Variants in THSD4 observed in about 807,000 individuals in gnomAD.
The protein encoded by THSD4 is thrombospondin type 1 domain containing 4.
A neutral mutation model predicts 119.0 loss-of-function variants in THSD4; 69 were observed. The observed-to-expected ratio is 0.58, with a 90% CI of 0.48 to 0.71. The LOEUF (loss-of-function observed/expected upper bound fraction) is 0.71. Ranked by LOEUF, THSD4 falls within the 30% of genes least tolerant of loss-of-function variation. The pLI is 0.00. For synonymous variants in THSD4, 524 were observed against 540.4 expected (o/e 0.97, Z 0.42); for missense variants, 1,393 against 1,391.1 (o/e 1.00, Z -0.02).
chr15:71,313,680 G>C (rs1596330954), intron 6 of THSD4, among the ~76,000 whole-genome samples: 2 of 152,302 alleles, frequency 1.3e-5, no homozygotes, highest in Middle Eastern at 3.4e-3. Flanking sequence ...TTTCGTAAAA[G>C]TGTTTCTTAG....
At chr15:71,741,272 C>T (rs2053228707) in intron 11 of THSD4, among the ~76,000 whole-genome samples, 1 of 152,076 alleles carries the variant, frequency 6.6e-6, no homozygotes, top group Non-Finnish European at 1.5e-5. Flanking sequence ...AGGTGTATCA[C>T]TTGAGGTCAG....
chr15:71,768,982 G>A (rs1277557890), intron 16 of THSD4, among the ~76,000 whole-genome samples: 2 of 80,644 alleles, frequency 2.5e-5, no homozygotes, highest in Admixed American at 1.3e-4. Flanking sequence ...CCCCCCGCCC[G>A]GCCAGCCGCC....
intron 7 of THSD4, among the ~76,000 whole-genome samples, chr15:71,553,133 C>T (rs2048958243): frequency 6.6e-6 from 1 of 152,092 alleles, no homozygotes; most frequent in African/African-American, 2.4e-5. Context: ...GGGTATGTGC[C>T]TATGTGAGTG....
chr15:71,617,363 A>G (rs550388365), intron 7 of THSD4, among the ~76,000 whole-genome samples: 241 of 152,090 alleles, frequency 1.6e-3, no homozygotes, highest in Middle Eastern at 3.2e-3. Flanking sequence ...TCATCATTTG[A>G]TTTAACTTCT....
intron 8 of THSD4, among the ~76,000 whole-genome samples, chr15:71,706,179 A>G (rs556060958): frequency 3.0e-4 from 46 of 152,300 alleles, no homozygotes; most frequent in African/African-American, 1.0e-3. Flanking sequence ...GTGGGCACCA[A>G]CCTGGGGTGT....
intron 1 of THSD4, among the ~76,000 whole-genome samples, chr15:71,106,474 C>T (rs1164629083): frequency 6.6e-6 from 1 of 152,108 alleles, no homozygotes; most frequent in African/African-American, 2.4e-5. Flanking sequence ...ATTCTGGCCC[C>T]TGGTGGAGAA....
At chr15:71,502,207 C>CCT (rs2048122534) in intron 7 of THSD4, among the ~76,000 whole-genome samples, 1 of 152,156 alleles carries the variant, frequency 6.6e-6, no homozygotes, top group Non-Finnish European at 1.5e-5. Flanking sequence ...GGAGTGTAAT[C>CCT]AGGGCAAGCC....
chr15:71,721,010 C>G (rs1237038072), intron 8 of THSD4, among the ~76,000 whole-genome samples: 1 of 152,212 alleles, frequency 6.6e-6, no homozygotes, highest in Non-Finnish European at 1.5e-5. Flanking sequence ...TGTAAGGAAA[C>G]CAGCTTCTTT....
chr15:71,299,388 T>A (rs925491338), intron 6 of THSD4, among the ~76,000 whole-genome samples: 1 of 152,214 alleles, frequency 6.6e-6, no homozygotes, highest in African/African-American at 2.4e-5. Flanking sequence ...GCAGGCTGCA[T>A]TGAGCAAAAG....
intron 7 of THSD4, among the ~76,000 whole-genome samples, chr15:71,442,656 G>GTGTGTGTATGTATGTA (rs1555414310): frequency 3.6e-4 from 11 of 30,632 alleles, no homozygotes; most frequent in Non-Finnish European, 7.8e-4. Context: ...GTGTGTGTGT[G>GTGTGTGTATGTATGTA]TGTGTATATA....
intron 6 of THSD4, among the ~76,000 whole-genome samples, chr15:71,311,293 G>A (rs2045107540): frequency 6.6e-6 from 1 of 152,174 alleles, no homozygotes; most frequent in Admixed American, 6.5e-5. Context: ...ATATTGCATT[G>A]GCCAGAAGTG....
At chr15:71,774,653 G>A (rs773951986) in intron 17 of THSD4, among the ~76,000 whole-genome samples, 23 of 151,850 alleles carry the variant, frequency 1.5e-4, no homozygotes, top group Non-Finnish European at 2.8e-4. Context: ...AGGGCTCATC[G>A]GGTGTGCCAC....
At chr15:71,606,866 C>A (rs1355246199) in intron 7 of THSD4, among the ~76,000 whole-genome samples, 1 of 152,122 alleles carries the variant, frequency 6.6e-6, no homozygotes, top group Non-Finnish European at 1.5e-5. Context: ...TTGTAGCTGT[C>A]CTTAAAATTG....
chr15:71,447,826 G>A (rs1231506238), intron 7 of THSD4, among the ~76,000 whole-genome samples: 2 of 152,084 alleles, frequency 1.3e-5, no homozygotes, highest in Admixed American at 1.3e-4. Flanking sequence ...CACAGGCTTG[G>A]GAGCCTTCTA....
chr15:71,344,252 T>C (rs7165279), intron 6 of THSD4, among the ~76,000 whole-genome samples: 142,010 of 152,046 alleles, frequency 0.93, 66,894 homozygotes, highest in East Asian at 1. Flanking sequence ...ACCGTGTTAG[T>C]CAGTATGGTC....
intron 7 of THSD4, among the ~76,000 whole-genome samples, chr15:71,657,439 C>G (rs1156537164): frequency 6.6e-6 from 1 of 152,174 alleles, no homozygotes; most frequent in Non-Finnish European, 1.5e-5. Flanking sequence ...GGACAGTTGT[C>G]ATGTGTGTAA....
chr15:71,692,196 C>T (rs927270573), intron 8 of THSD4, among the ~76,000 whole-genome samples: 1 of 152,110 alleles, frequency 6.6e-6, no homozygotes, highest in South Asian at 2.1e-4. Context: ...ATAAAGGAGA[C>T]GTGGGTGTAT....
intron 6 of THSD4, among the ~76,000 whole-genome samples, chr15:71,345,443 T>A (rs547110872): frequency 3.1e-4 from 47 of 152,204 alleles, no homozygotes; most frequent in East Asian, 5.8e-4. Context: ...GCTGGTGCCG[T>A]CTGAAAGCAA....
intron 2 of THSD4, among the ~76,000 whole-genome samples, chr15:71,150,356 G>T (rs528824259): frequency 6.6e-6 from 1 of 152,326 alleles, no homozygotes; most frequent in Non-Finnish European, 1.5e-5. Flanking sequence ...CGCAAGCAGG[G>T]TGAGGTATCC....
Sources: allele counts gnomAD v4.1 joint callset (sites outside exome capture counted in the v4.1 genomes callset), GRCh38; gene constraint gnomAD v4.1.1; transcripts MANE v1.5; gene names NCBI Gene and HGNC (gene_info 2026-07-23, HGNC 2026-07-21).